EPHA6: variants seen among roughly 807,000 people sequenced by gnomAD.
The protein encoded by EPHA6 is ephrin type-A receptor 6.
A neutral mutation model predicts 112.0 loss-of-function variants in EPHA6; 50 were observed. That is an observed-to-expected ratio of 0.45 (90% CI 0.36 to 0.56). EPHA6 has a LOEUF of 0.56. EPHA6 is among the 20% of genes least tolerant of loss of function. EPHA6 has a pLI of 0.00. For missense variants in EPHA6, 1,280 were observed against 1,417.4 expected (o/e 0.90, Z 1.56); for synonymous variants, 529 against 490.7 (o/e 1.08, Z -1.03).
chr3:96,887,909 G>C (rs1053328818), intron 2 of EPHA6, among the ~76,000 whole-genome samples: 1 of 151,966 alleles, frequency 6.6e-6, no homozygotes. Context: ...CAGCTCCCAC[G>C]CAAACCAAAG....
chr3:97,355,208 A>T (rs995575289), intron 5 of EPHA6, among the ~76,000 whole-genome samples: 1 of 152,194 alleles, frequency 6.6e-6, no homozygotes, highest in African/African-American at 2.4e-5. Context: ...GTACACAGAG[A>T]AACACAGATT....
intron 14 of EPHA6, chr3:97,646,387 A>T: frequency 9.9e-7 from 1 of 1,012,608 alleles, no homozygotes. Context: ...TTCAAAATAC[A>T]CTAAAGTAAA....
chr3:97,722,379 G>A (rs1488264926), intron 15 of EPHA6, among the ~76,000 whole-genome samples: 1 of 152,152 alleles, frequency 6.6e-6, no homozygotes, highest in African/African-American at 2.4e-5. Flanking sequence ...AGATTATCTA[G>A]GCCAATCCCT....
intron 6 of EPHA6, among the ~76,000 whole-genome samples, chr3:97,417,696 C>A (rs2088244373): frequency 6.6e-6 from 1 of 152,092 alleles, no homozygotes; most frequent in African/African-American, 2.4e-5. Context: ...TTTCAAAGTG[C>A]TCTGAGAACA....
chr3:97,333,471 T>TTC (rs2082903632), intron 5 of EPHA6, among the ~76,000 whole-genome samples: 1 of 138,322 alleles, frequency 7.2e-6, no homozygotes, highest in African/African-American at 2.8e-5. Flanking sequence ...GGCTTTTCTT[T>TTC]TTTTTTTTTT....
intron 11 of EPHA6, among the ~76,000 whole-genome samples, chr3:97,571,068 A>C (rs2093328230): frequency 6.6e-6 from 1 of 152,170 alleles, no homozygotes; most frequent in South Asian, 2.1e-4. Flanking sequence ...TGGAAGCCTA[A>C]ATTCAGGAAT....
rs182455200 is a variant in EPHA6, at chr3:97,358,139, C to T, written c.1607-47011C>T. Among the ~76,000 whole-genome samples the T allele has an allele frequency of 5.9e-5, 9 of 152,158 alleles. No individual in the cohort carries two copies. In the East Asian group the frequency reaches 1.5e-3, roughly 26 times the overall value. On this transcript the variant is annotated intron_variant, in intron 5 of 17. Coordinates refer to ENST00000389672, the MANE Select transcript of EPHA6 (RefSeq NM_001080448.3). ...CTTTTCTATTTGTCTTCTATTTTCCCTATAGTAGTTTTCCCTAATTTCCTG... is the reference window on the plus strand; with the variant it reads ...CTTTTCTATTTGTCTTCTATTTTCCTTATAGTAGTTTTCCCTAATTTCCTG...
At chr3:97,023,156 G>T (rs2044520525) in intron 3 of EPHA6, among the ~76,000 whole-genome samples, 1 of 152,166 alleles carries the variant, frequency 6.6e-6, no homozygotes, top group Non-Finnish European at 1.5e-5. Context: ...TTGGCTCACT[G>T]AAAGCTCCAC....
intron 5 of EPHA6, among the ~76,000 whole-genome samples, chr3:97,290,644 C>T (rs145765650): frequency 6.6e-6 from 1 of 152,002 alleles, no homozygotes; most frequent in African/African-American, 2.4e-5. Flanking sequence ...CCTATTTATC[C>T]TAGGTTTTCT....
intron 11 of EPHA6, among the ~76,000 whole-genome samples, chr3:97,542,653 C>T (rs1394423989): frequency 6.6e-6 from 1 of 152,188 alleles, no homozygotes; most frequent in African/African-American, 2.4e-5. Flanking sequence ...AGTTCTAGAT[C>T]CCTGAAGAAT....
intron 3 of EPHA6, among the ~76,000 whole-genome samples, chr3:97,029,758 AACAAT>A (rs1453124276): frequency 2.0e-5 from 3 of 152,174 alleles, no homozygotes; most frequent in Non-Finnish European, 2.9e-5. Flanking sequence ...AAAGAACAAG[AACAAT>A]AGTTTCACTT....
intron 3 of EPHA6, among the ~76,000 whole-genome samples, chr3:97,153,906 C>T (rs1376412744): frequency 6.6e-6 from 1 of 152,088 alleles, no homozygotes; most frequent in East Asian, 1.9e-4. Flanking sequence ...TGGGTCGCTC[C>T]TATAATCCCA....
intron 3 of EPHA6, among the ~76,000 whole-genome samples, chr3:97,214,641 T>C (rs1446630586): frequency 6.6e-6 from 1 of 152,134 alleles, no homozygotes; most frequent in African/African-American, 2.4e-5. Context: ...ATAAAGTTTC[T>C]CAAATTATAA....
intron 2 of EPHA6, among the ~76,000 whole-genome samples, chr3:96,900,376 G>A (rs1347035209): frequency 6.6e-6 from 1 of 152,158 alleles, no homozygotes; most frequent in African/African-American, 2.4e-5. Context: ...GGAAGAAAAT[G>A]TAAAAGCTAC....
intron 12 of EPHA6, among the ~76,000 whole-genome samples, chr3:97,597,870 A>G (rs1416365605): frequency 2.0e-5 from 3 of 152,240 alleles, no homozygotes; most frequent in African/African-American, 7.2e-5. Flanking sequence ...GATCTGGTGG[A>G]TATAATATTA....
At chr3:97,303,140 A>G (rs1356185268) in intron 5 of EPHA6, among the ~76,000 whole-genome samples, 3 of 151,996 alleles carry the variant, frequency 2.0e-5, no homozygotes, top group African/African-American at 7.2e-5. Flanking sequence ...ATCATTTCAT[A>G]CTGAAACAGT....
intron 1 of EPHA6, among the ~76,000 whole-genome samples, chr3:96,827,180 C>G (rs1449275125): frequency 6.6e-6 from 1 of 152,052 alleles, no homozygotes; most frequent in Admixed American, 6.6e-5. Context: ...ATCCTAAAGC[C>G]TCACACACGT....
intron 4 of EPHA6, among the ~76,000 whole-genome samples, chr3:97,238,287 A>G (rs2108569869): frequency 6.6e-6 from 1 of 152,078 alleles, no homozygotes; most frequent in South Asian, 2.1e-4. Flanking sequence ...TCTGCTTCAA[A>G]TAATTTTCAT....
chr3:97,336,566 G>A (rs1189121951), intron 5 of EPHA6, among the ~76,000 whole-genome samples: 2 of 152,142 alleles, frequency 1.3e-5, no homozygotes, highest in African/African-American at 4.8e-5. Context: ...ACTTATGTAT[G>A]CCTATATAAA....
Sources: gnomAD v4.1 joint callset for allele counts (sites outside exome capture counted in the v4.1 genomes callset) on GRCh38, gnomAD v4.1.1 for gene constraint, MANE v1.5 for transcripts, NCBI Gene and HGNC (gene_info 2026-07-23, HGNC 2026-07-21) for gene names.